Variants in VAMP4 observed in about 807,000 individuals in gnomAD.
The protein encoded by VAMP4 is vesicle-associated membrane protein 4.
In VAMP4, 19 loss-of-function variants were observed where a neutral mutation model predicts 23.5. The ratio of observed to expected loss-of-function variants is 0.81; its 90% CI spans 0.56 to 1.19. VAMP4 has a LOEUF of 1.19. VAMP4 is among the 50% of genes most tolerant of loss of function. VAMP4 has a pLI of 0.00. For synonymous variants in VAMP4, 31 were observed against 51.0 expected, an observed-to-expected ratio of 0.61 and a Z score of 1.67; for missense variants, 145 against 168.6, an observed-to-expected ratio of 0.86 and a Z score of 0.78.
intron 1 of VAMP4, among the ~76,000 whole-genome samples, chr1:171,741,495 C>A (rs1655923253): frequency 6.6e-6 from 1 of 151,268 alleles, no homozygotes; most frequent in South Asian, 2.1e-4. Context: ...TTTCAGGCAG[C>A]TCCGTTCACC....
At chr1:171,738,497 A>G in intron 1 of VAMP4, 34 bp from the exon 2 acceptor site, 1 of 1,379,772 alleles carries the variant, frequency 7.2e-7, no homozygotes, top group East Asian at 2.3e-5. Flanking sequence ...CAGATTTGAG[A>G]CTTTGGGGCA....
At position 171,704,318 on chromosome 1, in the gene VAMP4, A is replaced by G. The variant is rs933172658; in HGVS notation, c.*188T>C. On this transcript the variant is annotated 3_prime_UTR_variant, in exon 8 of 8. Transcript: ENST00000236192. The stretch of plus-strand genomic sequence containing the variant: ...CTTTGCCTTAAACATAATTATTAAA[A>G]GAACATTTTGTTAGAAAGGGAGAAG... The G allele has an allele frequency of 1.8e-5, 7 of 396,788 alleles. No homozygotes were observed. The highest frequency in any genetic ancestry group is 2.1e-5 in the African/African-American group (1 of 48,080). 24.6% of individuals were successfully genotyped at this position (396,788 alleles called of 1,614,324 possible).
Position 171,724,962 on chromosome 1 carries a change from A to G in VAMP4, c.113+3562T>C, listed in dbSNP as rs573853894. The stretch of plus-strand genomic sequence containing the variant: ...ATATATAACATATATTTACTATTTT[A>G]ACCGTTTTTAAGCATACAGTTCTGT... On this transcript the variant is annotated intron_variant, in intron 3 of 7. Transcript: ENST00000236192. Among the ~76,000 whole-genome samples the G allele has an allele frequency of 7.9e-5, 12 of 152,294 alleles. No individual in the cohort carries two copies. The East Asian group carries it at 2.3e-3, about 29-fold the overall frequency.
At chr1:171,740,158 A>C (rs1335679432) in intron 1 of VAMP4, among the ~76,000 whole-genome samples, 3 of 152,228 alleles carry the variant, frequency 2.0e-5, no homozygotes, top group Non-Finnish European at 1.5e-5. Context: ...ACATTCATTG[A>C]AACAGCAGAG....
At chr1:171,734,702 CCAAT>C (rs1325852989) in intron 2 of VAMP4, among the ~76,000 whole-genome samples, 2 of 151,998 alleles carry the variant, frequency 1.3e-5, no homozygotes, top group Admixed American at 1.3e-4. Context: ...ATTATTCTAA[CCAAT>C]CAGTTATCAA....
chr1:171,707,558 C>T (rs57058497), intron 6 of VAMP4, among the ~76,000 whole-genome samples: 10,781 of 152,124 alleles, frequency 0.071, 583 homozygotes, highest in African/African-American at 0.15. Flanking sequence ...AAATGGCAGG[C>T]ACAGGGAGGC....
At chr1:171,739,688 C>T (rs1655866566) in intron 1 of VAMP4, among the ~76,000 whole-genome samples, 1 of 152,138 alleles carries the variant, frequency 6.6e-6, no homozygotes. Context: ...TAGAGGACAC[C>T]CAGCTGGAGA....
chr1:171,712,927 C>T (rs1014818265), intron 4 of VAMP4, among the ~76,000 whole-genome samples: 1 of 152,128 alleles, frequency 6.6e-6, no homozygotes, highest in South Asian at 2.1e-4. Flanking sequence ...GCATGCTTTA[C>T]CCCATTACTC....
chr1:171,704,558 G>C, intron 7 of VAMP4, 24 bp from the exon 8 acceptor site: 1 of 1,550,008 alleles, frequency 6.5e-7, no homozygotes, highest in African/African-American at 1.4e-5. Flanking sequence ...CATGAAAAAA[G>C]CAATATATCA....
At chr1:171,719,995 T>C (rs549832491) in intron 3 of VAMP4, among the ~76,000 whole-genome samples, 2 of 151,544 alleles carry the variant, frequency 1.3e-5, no homozygotes, top group African/African-American at 4.8e-5. Flanking sequence ...CTAAAGGAGG[T>C]GAAAAAATAC....
At chr1:171,723,489 A>G (rs1655266434) in intron 3 of VAMP4, among the ~76,000 whole-genome samples, 1 of 152,206 alleles carries the variant, frequency 6.6e-6, no homozygotes, top group South Asian at 2.1e-4. Context: ...CCTTGCTGAG[A>G]AAAAGAATTC....
At chr1:171,717,003 C>T (rs888356262) in intron 4 of VAMP4, among the ~76,000 whole-genome samples, 1 of 152,168 alleles carries the variant, frequency 6.6e-6, no homozygotes, top group African/African-American at 2.4e-5. Context: ...TAGTGTAATA[C>T]ATAAATATAC....
chr1:171,715,614 A>G (rs1020712546), intron 4 of VAMP4, among the ~76,000 whole-genome samples: 4 of 152,232 alleles, frequency 2.6e-5, no homozygotes, highest in African/African-American at 9.6e-5. Context: ...TTATTCAAAC[A>G]CTTAGCATAG....
At chr1:171,718,892 G>A (rs1655100872) in intron 4 of VAMP4, among the ~76,000 whole-genome samples, 1 of 151,978 alleles carries the variant, frequency 6.6e-6, no homozygotes, top group African/African-American at 2.4e-5. Flanking sequence ...CTTCATCAGG[G>A]GTCAACAACT....
At chr1:171,719,317 G>T in intron 3 of VAMP4, 96 bp from the exon 4 acceptor site, 1 of 1,031,710 alleles carries the variant, frequency 9.7e-7, no homozygotes, top group Non-Finnish European at 1.4e-6. Context: ...AAACAATCAA[G>T]CTGAACTCTA....
chr1:171,729,779 C>T (rs1037056527), intron 2 of VAMP4, among the ~76,000 whole-genome samples: 1 of 152,192 alleles, frequency 6.6e-6, no homozygotes. Flanking sequence ...CCCGCCTTAG[C>T]CTCCTAAGTA....
At chr1:171,728,708 A>G (rs1198045129) in intron 2 of VAMP4, 138 bp from the exon 3 acceptor site, 2 of 747,700 alleles carry the variant, frequency 2.7e-6, no homozygotes, top group Non-Finnish European at 4.2e-6. Context: ...GTAATTACAT[A>G]TCCTTCACTG....
intron 7 of VAMP4, 102 bp from the exon 8 acceptor site, chr1:171,704,636 G>A: frequency 3.4e-6 from 3 of 887,138 alleles, no homozygotes; most frequent in South Asian, 2.8e-5. Context: ...TTTAGAAATG[G>A]GTAATGAGGA....
intron 3 of VAMP4, 83 bp from the exon 4 acceptor site, chr1:171,719,304 T>C: frequency 2.5e-6 from 3 of 1,187,546 alleles, no homozygotes; most frequent in South Asian, 2.9e-5. Context: ...TATACACAAA[T>C]ACAAACAATC....
Sources: gnomAD v4.1 joint callset for allele counts (sites outside exome capture counted in the v4.1 genomes callset) on GRCh38, gnomAD v4.1.1 for gene constraint, MANE v1.5 for transcripts, NCBI Gene and HGNC (gene_info 2026-07-23, HGNC 2026-07-21) for gene names.